The following CEMIP variants were observed in gnomAD, a reference collection of about 807,000 sequenced individuals.
The protein encoded by CEMIP is cell migration-inducing and hyaluronan-binding protein.
In CEMIP, 105 loss-of-function variants were observed where a neutral mutation model predicts 156.9. That is an observed-to-expected ratio of 0.67 (90% confidence interval 0.57 to 0.79). The LOEUF is 0.79. CEMIP is among the 30% of genes least tolerant of loss of function. The probability of loss-of-function intolerance (pLI) is 0.00; values close to 1 mark genes in which losing one functional copy is unlikely to be tolerated. For synonymous variants in CEMIP, 676 were observed against 668.4 expected (o/e 1.01, Z -0.17); for missense variants, 1,457 against 1,769.4 (o/e 0.82, Z 3.17).
chr15:80,915,889 CTTCTT>C (rs1900258181), intron 14 of CEMIP, among the ~76,000 whole-genome samples: 2 of 152,276 alleles, frequency 1.3e-5, no homozygotes, highest in Middle Eastern at 3.4e-3. Flanking sequence ...CTATGGCAAT[CTTCTT>C]TTCAGCAGTT....
In CEMIP at chr15:80,915,337, G is replaced by C. The variant is rs1050090281; in HGVS notation, c.1798-4757G>C. ...ACTAAGTTCCTCCCAAAGTCAGTCT[G>C]GCCTACGCCCAGGAATGACCAAGGA... is the stretch of plus-strand genomic sequence containing the variant. On this transcript the variant is annotated intron_variant, in intron 14 of 29. Coordinates refer to ENST00000394685, the MANE Select transcript of CEMIP (RefSeq NM_001293298.2). Among the ~76,000 whole-genome samples, 4 of 152,220 alleles carry C rather than the reference G, an allele frequency of 2.6e-5. No individual in the cohort carries two copies. The East Asian group carries it at 7.7e-4, about 29-fold the overall frequency.
chr15:80,938,025 C>T (rs1901200196), intron 25 of CEMIP, 46 bp downstream of exon 25: 1 of 1,495,188 alleles, frequency 6.7e-7, no homozygotes, highest in East Asian at 2.3e-5. Flanking sequence ...TCAACCTCAT[C>T]TTGTCCCCTT....
intron 3 of CEMIP, among the ~76,000 whole-genome samples, chr15:80,877,118 A>G (rs913232110): frequency 6.6e-6 from 1 of 152,164 alleles, no homozygotes; most frequent in Non-Finnish European, 1.5e-5. Flanking sequence ...CCACCATGAG[A>G]ACACTATGGA....
chr15:80,823,448 T>C (rs147900836), intron 1 of CEMIP, among the ~76,000 whole-genome samples: 113 of 152,342 alleles, frequency 7.4e-4, no homozygotes, highest in Non-Finnish European at 1.4e-3. Context: ...CTTGGGATCC[T>C]GTTGTCAACC....
chr15:80,840,885 C>T (rs1192117632), intron 1 of CEMIP, among the ~76,000 whole-genome samples: 2 of 152,190 alleles, frequency 1.3e-5, no homozygotes, highest in Non-Finnish European at 2.9e-5. Context: ...TGGAGGCTGT[C>T]GGGCTTCCCA....
chr15:80,874,084 C>A, intron 3 of CEMIP, 111 bp downstream of exon 3: 2 of 1,029,908 alleles, frequency 1.9e-6, no homozygotes, highest in South Asian at 1.4e-5. Context: ...GGGAGTGGGT[C>A]AGGGTGCCTG....
chr15:80,787,710 G>A (rs1351665122), intron 1 of CEMIP, among the ~76,000 whole-genome samples: 2 of 152,216 alleles, frequency 1.3e-5, no homozygotes, highest in Non-Finnish European at 2.9e-5. Context: ...ACAGATGCCG[G>A]TTTCTAAAAT....
chr15:80,950,279 G>A lies in CEMIP; in HGVS notation c.*1355G>A, dbSNP rs1327518006. 6.6e-6 allele frequency: 1 copy of A among 152,336 alleles called. No individual in the cohort carries two copies. The highest frequency in any genetic ancestry group is 1.5e-5 in the Non-Finnish European group (1 of 68,114). The allele number at this position is 152,336 out of a possible 1,614,324, so 9.4% of individuals were successfully genotyped here. A position where few individuals can be genotyped will look rare whatever the true frequency, so the allele number is the denominator to read the frequency against. On this transcript the variant is annotated 3_prime_UTR_variant, in exon 30 of 30. Coordinates refer to ENST00000394685, the MANE Select transcript of CEMIP (RefSeq NM_001293298.2). ...ATGGGAAAGAACCACACAGCTAAGG[G>A]AGGGCCTGGGGAGCCCCACCCTAGC...
chr15:80,791,158 G>A (rs753158759), intron 1 of CEMIP, among the ~76,000 whole-genome samples: 2 of 152,146 alleles, frequency 1.3e-5, no homozygotes, highest in African/African-American at 2.4e-5. Flanking sequence ...TCCTGTGGCT[G>A]GAAATGAGAT....
chr15:80,901,479 A>G (rs1454162139), intron 12 of CEMIP, among the ~76,000 whole-genome samples: 1 of 152,140 alleles, frequency 6.6e-6, no homozygotes, highest in African/African-American at 2.4e-5. Context: ...AGGTGGGTGG[A>G]TCACCTGAGG....
intron 14 of CEMIP, among the ~76,000 whole-genome samples, chr15:80,918,680 G>T (rs573171090): frequency 1.3e-5 from 2 of 152,162 alleles, no homozygotes; most frequent in African/African-American, 4.8e-5. Flanking sequence ...ACCCAGGGGT[G>T]GGGATGAAGG....
At position 80,865,979 on chromosome 15, in the gene CEMIP, C is replaced by T. The variant is rs142107112; in HGVS notation, c.-175-7559C>T. On this transcript the variant is annotated intron_variant, in intron 1 of 29. Coordinates refer to ENST00000394685, the MANE Select transcript of CEMIP (RefSeq NM_001293298.2). ...TTTCCCCCAGCACCAGCGCAGTGGCCGCCCACGGGCTAACGATGTGAGCTG... is the reference window on the plus strand; with the variant it reads ...TTTCCCCCAGCACCAGCGCAGTGGCTGCCCACGGGCTAACGATGTGAGCTG... Among the ~76,000 whole-genome samples, 63 of 152,236 alleles carry T rather than the reference C, an allele frequency of 4.1e-4. No individual in the cohort carries two copies. The East Asian group carries it at 7.5e-3, about 18-fold the overall frequency.
intron 23 of CEMIP, among the ~76,000 whole-genome samples, chr15:80,934,907 A>G (rs1901058913): frequency 6.6e-6 from 1 of 152,228 alleles, no homozygotes; most frequent in Non-Finnish European, 1.5e-5. Context: ...GCTTGAGGAA[A>G]GTAACCTCCA....
At chr15:80,846,985 T>C (rs924253873) in intron 1 of CEMIP, among the ~76,000 whole-genome samples, 4 of 152,192 alleles carry the variant, frequency 2.6e-5, no homozygotes, top group Non-Finnish European at 5.9e-5. Context: ...AGGAAAGGAC[T>C]TAGGAAATTG....
At chr15:80,922,619 G>A (rs1006689169) in intron 17 of CEMIP, among the ~76,000 whole-genome samples, 4 of 152,202 alleles carry the variant, frequency 2.6e-5, no homozygotes, top group African/African-American at 9.7e-5. Flanking sequence ...GGAAATGAAT[G>A]GGTTGCTGCA....
chr15:80,906,659 C>CT lies in CEMIP; in HGVS notation c.1412-3dup. ...TTGTTTACCGTCCTCCCTTTCTGCC[C>CT]TAGGGAAACCAATGTACCTGCACAT... On this transcript the variant is annotated splice_region_variant and splice_polypyrimidine_tract_variant and intron_variant, in intron 12 of 29. Coordinates refer to ENST00000394685, the MANE Select transcript of CEMIP (RefSeq NM_001293298.2). The surrounding 1 kb of genome is among the most constrained non-coding windows in gnomAD (Gnocchi z 4.3). 6.2e-7 allele frequency: 1 copy of CT among 1,611,900 alleles called. No homozygotes were observed. Among genetic ancestry groups the CT allele is most frequent in the Non-Finnish European group, 8.5e-7 (1 of 1,178,466 alleles).
rs764306463 is a variant in CEMIP at position 80,888,773 on chromosome 15, C to T, written c.941C>T (p.Ser314Phe). ...QTEHGEYFNV[S>F]LSSEWVQDVE... ...GAGCATGGCGAATATTTCAATGTTT[C>T]TTTGTCCAGTGAGTGGGTTCAAGGT... Residue 314 changes from serine to phenylalanine, a missense_variant, in exon 9 of 30, where the codon TCT (serine) becomes TTT (phenylalanine). Physicochemically the swap from Ser to Phe is radical, Grantham distance 155. Around this residue, in one of 5 missense-constraint regions of CEMIP, gnomAD observed 280 missense variants for 300.3 expected, o/e 0.93. Coordinates refer to ENST00000394685, the MANE Select transcript of CEMIP (RefSeq NM_001293298.2). 1.2e-6 allele frequency: 2 copies of T among 1,614,144 alleles called. No homozygotes were observed. The highest frequency in any genetic ancestry group is 8.5e-7 in the Non-Finnish European group (1 of 1,180,008).
chr15:80,807,157 A>G (rs1896533174), intron 1 of CEMIP, among the ~76,000 whole-genome samples: 1 of 152,286 alleles, frequency 6.6e-6, no homozygotes, highest in East Asian at 1.9e-4. Context: ...GATAGGTGAG[A>G]AATAAATTGT....
At position 80,918,839 on chromosome 15, in the gene CEMIP, G is replaced by C. The variant is rs186949599; in HGVS notation, c.1798-1255G>C. Among the ~76,000 whole-genome samples, 68 of 152,206 alleles carry C rather than the reference G, an allele frequency of 4.5e-4. 1 individual carries two copies. The South Asian group carries it at 0.012, about 27-fold the overall frequency. ...GGGAACAGAGTCTGGGATTGGACAG[G>C]GGGGTGGGGCCCAGGCTACAGGCCC... On this transcript the variant is annotated intron_variant, in intron 14 of 29. Transcript: ENST00000394685.
Sources: gnomAD v4.1 joint callset for allele counts (sites outside exome capture counted in the v4.1 genomes callset) on GRCh38, gnomAD v4.1.1 for gene constraint, gnomAD v4.1.1 regional missense constraint, Gnocchi (gnomAD v3.1) non-coding constraint, MANE v1.5 for transcripts, NCBI Gene and HGNC (gene_info 2026-07-23, HGNC 2026-07-21) for gene names.